The following SLC25A26 variants were observed in gnomAD, a reference collection of about 807,000 sequenced individuals.
The protein encoded by SLC25A26 is solute carrier family 25 member 26, also known as mitochondrial S-adenosylmethionine carrier protein.
A neutral mutation model predicts 37.8 loss-of-function variants in SLC25A26; 36 were observed. That is an observed-to-expected ratio of 0.95 (90% CI 0.73 to 1.26). SLC25A26 has a LOEUF of 1.26. SLC25A26 is among the 50% of genes most tolerant of loss of function. The pLI is 0.00. For synonymous variants in SLC25A26, 129 were observed against 122.5 expected (o/e 1.05, Z -0.35); for missense variants, 390 against 331.1 (o/e 1.18, Z -1.38).
chr3:66,201,202 G>C (rs1009488419), intron 1 of SLC25A26, among the ~76,000 whole-genome samples: 7 of 151,464 alleles, frequency 4.6e-5, no homozygotes, highest in African/African-American at 1.7e-4. Flanking sequence ...AAATGGTAAT[G>C]ATTGTTTATA....
chr3:66,223,691 A>T (rs1171090786), intron 1 of SLC25A26, among the ~76,000 whole-genome samples: 1 of 152,212 alleles, frequency 6.6e-6, no homozygotes, highest in Non-Finnish European at 1.5e-5. Context: ...AAATGAGGTA[A>T]CATTAAACAC....
At chr3:66,153,727 G>A (rs149222361) in intron 1 of SLC25A26, among the ~76,000 whole-genome samples, 40 of 152,302 alleles carry the variant, frequency 2.6e-4, no homozygotes, top group African/African-American at 9.4e-4. Context: ...GAGATATTTC[G>A]GGCTGCTAAA....
chr3:66,311,048 G>C (rs146995570), intron 5 of SLC25A26, among the ~76,000 whole-genome samples: 1 of 152,096 alleles, frequency 6.6e-6, no homozygotes, highest in Admixed American at 6.5e-5. Context: ...TTCTTGCTAG[G>C]TTGGAGAAGT....
intron 5 of SLC25A26, among the ~76,000 whole-genome samples, chr3:66,270,668 A>G (rs1049233049): frequency 2.0e-5 from 3 of 152,240 alleles, no homozygotes; most frequent in Admixed American, 6.5e-5. Context: ...GAGATGTTCT[A>G]TGAAGAATGA....
rs1270829974 is a variant in SLC25A26, at chr3:66,378,495, A to AG, written c.*691dup. On this transcript the variant is annotated 3_prime_UTR_variant, in exon 10 of 10. Transcript: ENST00000354883. ...GTGGGCCCAGCTGGCTTCGTGCAGGAGGGCACGGTGGGTGAGCCATTCTCG... is the reference window on the plus strand; with the variant it reads ...GTGGGCCCAGCTGGCTTCGTGCAGGAGGGGCACGGTGGGTGAGCCATTCTCG... The AG allele has an allele frequency of 2.6e-5, 4 of 152,640 alleles. No individual in the cohort carries two copies. Among genetic ancestry groups the AG allele is most frequent in the Admixed American group, 2.6e-4 (4 of 15,268 alleles). 9.5% of individuals were successfully genotyped at this position (152,640 alleles called of 1,614,324 possible). A position where few individuals can be genotyped will look rare whatever the true frequency, so the allele number is the denominator to read the frequency against.
chr3:66,269,189 C>T, intron 5 of SLC25A26, among the ~76,000 whole-genome samples: 1 of 152,318 alleles, frequency 6.6e-6, no homozygotes, highest in Non-Finnish European at 1.5e-5. Context: ...TAAAAGGCGG[C>T]TGTGATAGCA....
chr3:66,134,643 T>C (rs1488448761), intron 1 of SLC25A26, among the ~76,000 whole-genome samples: 2 of 152,166 alleles, frequency 1.3e-5, no homozygotes, highest in Non-Finnish European at 2.9e-5. Flanking sequence ...GTTATTGAAA[T>C]AGCGTTTAAG....
chr3:66,236,875 C>T (rs553748641), intron 2 of SLC25A26, 175 bp downstream of exon 2: 6 of 231,866 alleles, frequency 2.6e-5, no homozygotes, highest in East Asian at 1.8e-4. Context: ...CTCACTTTGT[C>T]GCCCAGGTGG....
chr3:66,343,469 A>G (rs1275978313), intron 5 of SLC25A26, among the ~76,000 whole-genome samples: 1 of 152,208 alleles, frequency 6.6e-6, no homozygotes, highest in African/African-American at 2.4e-5. Flanking sequence ...CCCTTTTTAA[A>G]CTAAATACCC....
intron 9 of SLC25A26, chr3:66,371,164 G>T: frequency 6.9e-7 from 1 of 1,440,634 alleles, no homozygotes; most frequent in African/African-American, 1.4e-5. Context: ...TGAATGTTGA[G>T]ATCTTACAGG....
At chr3:66,223,610 A>G (rs1223216637) in intron 1 of SLC25A26, among the ~76,000 whole-genome samples, 5 of 152,182 alleles carry the variant, frequency 3.3e-5, no homozygotes, top group African/African-American at 1.2e-4. Flanking sequence ...GCACTAGGTA[A>G]GCACTCAGTA....
chr3:66,180,281 A>C (rs1221462824), intron 1 of SLC25A26, among the ~76,000 whole-genome samples: 1 of 152,214 alleles, frequency 6.6e-6, no homozygotes, highest in Non-Finnish European at 1.5e-5. Context: ...ACACTTTTGC[A>C]TGCTGCAAAT....
At chr3:66,291,622 G>C (rs2074711931) in intron 5 of SLC25A26, among the ~76,000 whole-genome samples, 1 of 152,142 alleles carries the variant, frequency 6.6e-6, no homozygotes, top group South Asian at 2.1e-4. Flanking sequence ...TTTTGAATGA[G>C]TTTCTTAATC....
intron 5 of SLC25A26, among the ~76,000 whole-genome samples, chr3:66,268,639 G>C (rs1171012695): frequency 6.6e-6 from 1 of 152,158 alleles, no homozygotes; most frequent in Non-Finnish European, 1.5e-5. Context: ...AGGATGATTG[G>C]TACTCTGGTA....
intron 7 of SLC25A26, among the ~76,000 whole-genome samples, chr3:66,365,626 G>A (rs1316776199): frequency 1.3e-5 from 2 of 152,168 alleles, no homozygotes; most frequent in Non-Finnish European, 2.9e-5. Flanking sequence ...GGGAGAAAGA[G>A]GCAGGGAAAG....
intron 1 of SLC25A26, among the ~76,000 whole-genome samples, chr3:66,197,610 G>A (rs1367081478): frequency 6.6e-6 from 1 of 152,072 alleles, no homozygotes; most frequent in Admixed American, 6.5e-5. Flanking sequence ...AGGATGAGTG[G>A]TAATGTCAAA....
chr3:66,244,412 G>A (rs573169357), intron 3 of SLC25A26, among the ~76,000 whole-genome samples: 6 of 152,292 alleles, frequency 3.9e-5, no homozygotes, highest in African/African-American at 1.4e-4. Context: ...TCTCGAAGTA[G>A]GCATAAACTT....
intron 5 of SLC25A26, among the ~76,000 whole-genome samples, chr3:66,277,794 C>G (rs559549141): frequency 1.3e-5 from 2 of 152,176 alleles, no homozygotes; most frequent in African/African-American, 4.8e-5. Context: ...CATCATACAT[C>G]TCTAATATAA....
At chr3:66,319,338 T>C (rs1334252839) in intron 5 of SLC25A26, among the ~76,000 whole-genome samples, 2 of 152,326 alleles carry the variant, frequency 1.3e-5, no homozygotes, top group East Asian at 3.9e-4. Context: ...GGGAAATTCA[T>C]ATTATGGCTA....
Sources: allele counts gnomAD v4.1 joint callset (sites outside exome capture counted in the v4.1 genomes callset), GRCh38; gene constraint gnomAD v4.1.1; transcripts MANE v1.5; gene names NCBI Gene and HGNC (gene_info 2026-07-23, HGNC 2026-07-21).